Variants in HHLA2 observed in about 807,000 individuals in gnomAD.
HHLA2 encodes the protein HERV-H LTR-associating protein 2.
A neutral mutation model predicts 45.9 loss-of-function variants in HHLA2; 48 were observed. That is an observed-to-expected ratio of 1.05 (90% CI 0.83 to 1.33). HHLA2 has a LOEUF of 1.33. Ranked by LOEUF, HHLA2 falls within the 40% of genes most tolerant of loss-of-function variation. The probability of loss-of-function intolerance (pLI) is 0.00; values close to 1 mark genes in which losing one functional copy is unlikely to be tolerated. For missense variants in HHLA2, 462 were observed against 494.3 expected (o/e 0.93, Z 0.62); for synonymous variants, 161 against 173.9 (o/e 0.93, Z 0.59).
chr3:108,372,995 C>G (rs1454682831), intron 8 of HHLA2, among the ~76,000 whole-genome samples: 1 of 152,174 alleles, frequency 6.6e-6, no homozygotes, highest in African/African-American at 2.4e-5. Context: ...CAGCATCATC[C>G]TGATAGCAAA....
At chr3:108,353,059 G>A (rs1314794866) in intron 4 of HHLA2, among the ~76,000 whole-genome samples, 1 of 152,144 alleles carries the variant, frequency 6.6e-6, no homozygotes, top group Non-Finnish European at 1.5e-5. Context: ...TGCTATAGTA[G>A]GAGTTAAATG....
At chr3:108,346,859 G>A (rs572632591) in intron 3 of HHLA2, among the ~76,000 whole-genome samples, 14 of 152,316 alleles carry the variant, frequency 9.2e-5, no homozygotes, top group South Asian at 6.2e-4. Flanking sequence ...ATTAAGATGG[G>A]TATGGGGGAG....
chr3:108,365,733 T>G (rs2082053076), intron 8 of HHLA2, among the ~76,000 whole-genome samples: 1 of 152,190 alleles, frequency 6.6e-6, no homozygotes, highest in Non-Finnish European at 1.5e-5. Context: ...GTATTTTATC[T>G]TCTTTGTAGC....
chr3:108,347,464 C>T (rs999794772), intron 3 of HHLA2, among the ~76,000 whole-genome samples: 1 of 152,056 alleles, frequency 6.6e-6, no homozygotes, highest in Non-Finnish European at 1.5e-5. Flanking sequence ...GATTGGGGGA[C>T]AGACAGGACC....
At chr3:108,317,333 C>T (rs893784845) in intron 2 of HHLA2, among the ~76,000 whole-genome samples, 2 of 152,174 alleles carry the variant, frequency 1.3e-5, no homozygotes, top group African/African-American at 4.8e-5. Context: ...TCACTATCCT[C>T]TAGTAGGGTG....
At chr3:108,301,687 C>A (rs745372382) in intron 1 of HHLA2, among the ~76,000 whole-genome samples, 6 of 152,098 alleles carry the variant, frequency 3.9e-5, no homozygotes, top group Non-Finnish European at 5.9e-5. Context: ...ATCTGCTTGG[C>A]AAATTCTTGT....
At chr3:108,377,446 T>C (rs2082294468) in exon 11 of HHLA2, 1 of 604,814 alleles carries the variant, frequency 1.7e-6, no homozygotes, top group South Asian at 2.2e-5. Context: ...TTTCAAGACA[T>C]ACTTTTCAAG....
intron 1 of HHLA2, among the ~76,000 whole-genome samples, chr3:108,299,962 C>T (rs747310385): frequency 2.0e-5 from 3 of 151,854 alleles, no homozygotes; most frequent in Non-Finnish European, 2.9e-5. Flanking sequence ...TCCAGTGTGG[C>T]GAGAAGACGG....
chr3:108,355,438 G>C, intron 6 of HHLA2, 57 bp downstream of exon 5: 1 of 1,533,116 alleles, frequency 6.5e-7, no homozygotes, highest in Non-Finnish European at 8.8e-7. Context: ...GGGGGTAATG[G>C]GGACTGATTT....
chr3:108,313,505 G>C (rs1045495625), intron 2 of HHLA2, among the ~76,000 whole-genome samples: 1 of 152,178 alleles, frequency 6.6e-6, no homozygotes, highest in South Asian at 2.1e-4. Context: ...TTTCTGGGTT[G>C]TGTGTGCATG....
exon 8 of HHLA2, chr3:108,362,397 T>C (rs1271407179): frequency 3.7e-6 from 6 of 1,613,040 alleles, no homozygotes; most frequent in Middle Eastern, 1.7e-4. Flanking sequence ...TGGTGCCCTC[T>C]GCGATTTTGG....
At chr3:108,351,710 G>A (rs537511111) in intron 3 of HHLA2, 78 bp from the exon 3 acceptor site, 26 of 787,768 alleles carry the variant, frequency 3.3e-5, no homozygotes, top group African/African-American at 1.0e-4. Flanking sequence ...ACAATTATTT[G>A]TATGAATGTA....
At chr3:108,366,203 G>A (rs1435895783) in intron 8 of HHLA2, among the ~76,000 whole-genome samples, 2 of 152,128 alleles carry the variant, frequency 1.3e-5, no homozygotes, top group Non-Finnish European at 2.9e-5. Context: ...TGTTGAATTT[G>A]ATTGAAGGCC....
At chr3:108,367,994 A>G (rs2082094805) in intron 8 of HHLA2, among the ~76,000 whole-genome samples, 1 of 152,238 alleles carries the variant, frequency 6.6e-6, no homozygotes, top group African/African-American at 2.4e-5. Context: ...AGTCCATCAG[A>G]CTAACAATGG....
chr3:108,326,789 T>G (rs2081296871), intron 2 of HHLA2: 1 of 152,516 alleles, frequency 6.6e-6, no homozygotes, highest in Non-Finnish European at 1.5e-5. Flanking sequence ...CTGTTCAGGC[T>G]TTTTAGGAGA....
chr3:108,319,939 G>T (rs1336675675), intron 2 of HHLA2, among the ~76,000 whole-genome samples: 1 of 152,138 alleles, frequency 6.6e-6, no homozygotes, highest in Non-Finnish European at 1.5e-5. Context: ...ATATCACATA[G>T]CCTATGCATA....
chr3:108,302,608 T>A, intron 1 of HHLA2: 1 of 148,284 alleles, frequency 6.7e-6, no homozygotes, highest in East Asian at 1.9e-4. Flanking sequence ...TCCTTGGTAT[T>A]TCCTTGCTAC....
rs1029112729 is a variant in HHLA2 at position 108,376,817 on chromosome 3, T to C, written c.1224+260T>C. The C allele has an allele frequency of 1.2e-5, 5 of 406,660 alleles. No homozygotes were observed. In the Admixed American group the frequency reaches 1.2e-4, roughly 10 times the overall value. 25.2% of individuals were successfully genotyped at this position (406,660 alleles called of 1,614,324 possible). A position where few individuals can be genotyped will look rare whatever the true frequency, so the allele number is the denominator to read the frequency against. On this transcript the variant is annotated intron_variant, in intron 10 of 10. Coordinates refer to ENST00000619531, the Ensembl canonical transcript of HHLA2. Reference sequence around the variant, plus strand: ...TGTTATTTGTAGAGAAGATCTCCAATGGCATTGTGCATATGAGGGTGAGCC... The same window carrying C: ...TGTTATTTGTAGAGAAGATCTCCAACGGCATTGTGCATATGAGGGTGAGCC...
chr3:108,370,711 G>A (rs1455641351), intron 8 of HHLA2, among the ~76,000 whole-genome samples: 6 of 152,150 alleles, frequency 3.9e-5, no homozygotes, highest in African/African-American at 1.4e-4. Flanking sequence ...TCGATCAACT[G>A]GAAGAAAGGG....
Sources: gnomAD v4.1 joint callset for allele counts (sites outside exome capture counted in the v4.1 genomes callset) on GRCh38, gnomAD v4.1.1 for gene constraint, MANE v1.5 for transcripts, NCBI Gene and HGNC (gene_info 2026-07-23, HGNC 2026-07-21) for gene names.